Variants in CUX1 observed in about 807,000 individuals in gnomAD.
CUX1 encodes protein CASP.
Under a neutral mutation model 158.8 loss-of-function variants are expected in CUX1, and 31 were observed. The ratio of observed to expected loss-of-function variants is 0.20; its 90% CI spans 0.15 to 0.26. The LOEUF (loss-of-function observed/expected upper bound fraction) is 0.26, where lower values mean the gene tolerates loss of function less well. Among genes scored for constraint, CUX1 ranks in the 10% least tolerant of loss-of-function variants. CUX1 has a pLI of 1.00. For synonymous variants in CUX1, 879 were observed against 862.1 expected (o/e 1.02, Z -0.34); for missense variants, 1,589 against 2,014.6 (o/e 0.79, Z 4.04).
chr7:101,873,992 G>C (rs1798864905), intron 1 of CUX1, among the ~76,000 whole-genome samples: 1 of 152,222 alleles, frequency 6.6e-6, no homozygotes, highest in Non-Finnish European at 1.5e-5. Flanking sequence ...AAGTAAAGAG[G>C]CCCACAGTGC....
intron 22 of CUX1, among the ~76,000 whole-genome samples, chr7:102,238,706 C>T (rs1462124555): frequency 1.3e-5 from 2 of 152,150 alleles, no homozygotes; most frequent in African/African-American, 2.4e-5. Context: ...CTTGCACTTA[C>T]TTACCCCCAC....
intron 1 of CUX1, among the ~76,000 whole-genome samples, chr7:101,827,119 G>GT (rs1468860331): frequency 1.3e-5 from 2 of 152,036 alleles, no homozygotes; most frequent in African/African-American, 2.4e-5. Context: ...AGTAACATAA[G>GT]TGTTGGTTAA....
intron 23 of CUX1, among the ~76,000 whole-genome samples, chr7:102,243,864 C>T (rs1800517210): frequency 6.6e-6 from 1 of 151,680 alleles, no homozygotes; most frequent in Non-Finnish European, 1.5e-5. Context: ...CCTGCCTCTA[C>T]TAAAAATACA....
intron 8 of CUX1, among the ~76,000 whole-genome samples, chr7:102,121,582 G>T (rs536935385): frequency 3.6e-4 from 55 of 152,308 alleles, no homozygotes; most frequent in Admixed American, 9.2e-4. Flanking sequence ...CCAGACTCAA[G>T]TGATCTGCCC....
chr7:102,266,279 T>A (rs1196798470), intron 14 of CUX1, among the ~76,000 whole-genome samples: 1 of 150,536 alleles, frequency 6.6e-6, no homozygotes, highest in South Asian at 2.1e-4. Flanking sequence ...GGAGTGAGGC[T>A]ACCTCCCGGG....
intron 2 of CUX1, among the ~76,000 whole-genome samples, chr7:101,941,937 C>T (rs898755340): frequency 3.9e-5 from 6 of 152,142 alleles, no homozygotes; most frequent in African/African-American, 1.4e-4. Flanking sequence ...TCTCTCCCTC[C>T]CCCTCTCTCT....
At chr7:102,164,545 G>T (rs997019667) in intron 9 of CUX1, among the ~76,000 whole-genome samples, 2 of 152,192 alleles carry the variant, frequency 1.3e-5, no homozygotes, top group South Asian at 4.1e-4. Context: ...GACTCTCCAG[G>T]TTGAGGTTAG....
At chr7:102,202,325 G>C in intron 18 of CUX1, 121 bp downstream of exon 18, 4 of 1,322,282 alleles carry the variant, frequency 3.0e-6, no homozygotes, top group Non-Finnish European at 4.1e-6. Flanking sequence ...AGAGCGTAAG[G>C]CATCCTCTGC....
chr7:102,022,839 A>C (rs1819543207), intron 2 of CUX1, among the ~76,000 whole-genome samples: 2 of 152,268 alleles, frequency 1.3e-5, no homozygotes, highest in Admixed American at 6.5e-5. Context: ...ATGGGATGGA[A>C]ACAAGGTGAA....
intron 1 of CUX1, among the ~76,000 whole-genome samples, chr7:101,832,103 C>T (rs1404063537): frequency 1.3e-5 from 2 of 152,132 alleles, no homozygotes; most frequent in African/African-American, 4.8e-5. Flanking sequence ...TTAGAGGATC[C>T]TTCTGGAAGC....
intron 2 of CUX1, among the ~76,000 whole-genome samples, chr7:102,003,831 A>T (rs138694856): frequency 4.6e-5 from 7 of 152,160 alleles, no homozygotes; most frequent in Non-Finnish European, 1.0e-4. Context: ...TTGAATACTC[A>T]TAGTCCGCAG....
At chr7:102,009,468 T>C (rs1013649601) in intron 2 of CUX1, among the ~76,000 whole-genome samples, 3 of 152,208 alleles carry the variant, frequency 2.0e-5, no homozygotes, top group Non-Finnish European at 4.4e-5. Flanking sequence ...GAACCCAGTT[T>C]CTCTTTTAGA....
intron 2 of CUX1, among the ~76,000 whole-genome samples, chr7:102,000,293 T>C (rs1348064165): frequency 6.6e-6 from 1 of 151,946 alleles, no homozygotes; most frequent in Non-Finnish European, 1.5e-5. Flanking sequence ...GAGACACATG[T>C]GTCTTAAGCT....
chr7:102,045,393 G>A (rs1244096868), intron 3 of CUX1, among the ~76,000 whole-genome samples: 1 of 152,236 alleles, frequency 6.6e-6, no homozygotes, highest in Non-Finnish European at 1.5e-5. Flanking sequence ...ATTAATCACG[G>A]CCGCCCGCCC....
At chr7:102,025,244 T>C (rs925075698) in intron 2 of CUX1, among the ~76,000 whole-genome samples, 2 of 152,148 alleles carry the variant, frequency 1.3e-5, no homozygotes, top group Admixed American at 6.6e-5. Flanking sequence ...CATTGCAATC[T>C]AACACATTCA....
chr7:102,075,385 C>T (rs570915540), intron 4 of CUX1, among the ~76,000 whole-genome samples: 1 of 152,326 alleles, frequency 6.6e-6, no homozygotes, highest in South Asian at 2.1e-4. Context: ...CTGGCCTCCC[C>T]AGCTGGTTTA....
intron 3 of CUX1, among the ~76,000 whole-genome samples, chr7:102,036,538 C>G (rs1415698004): frequency 6.6e-6 from 1 of 151,384 alleles, no homozygotes; most frequent in Non-Finnish European, 1.5e-5. Flanking sequence ...TCAGGAGTTC[C>G]ATACACCAGC....
chr7:102,156,532 G>A (rs782586298), intron 8 of CUX1, among the ~76,000 whole-genome samples: 2 of 152,104 alleles, frequency 1.3e-5, no homozygotes, highest in Non-Finnish European at 2.9e-5. Flanking sequence ...CATTCATGAG[G>A]GCATCCACTG....
At chr7:102,008,096 C>A (rs146332460) in intron 2 of CUX1, among the ~76,000 whole-genome samples, 5 of 152,220 alleles carry the variant, frequency 3.3e-5, no homozygotes, top group Admixed American at 1.3e-4. Flanking sequence ...CCAGGCTTTC[C>A]CCTCTGGCCT....
Sources: gnomAD v4.1 joint callset for allele counts (sites outside exome capture counted in the v4.1 genomes callset) on GRCh38, gnomAD v4.1.1 for gene constraint, MANE v1.5 for transcripts, NCBI Gene and HGNC (gene_info 2026-07-23, HGNC 2026-07-21) for gene names.